CDC42BPA: variants seen among roughly 807,000 people sequenced by gnomAD.
CDC42BPA encodes serine/threonine-protein kinase MRCK alpha.
Under a neutral mutation model 223.5 loss-of-function variants are expected in CDC42BPA, and 80 were observed. That is an observed-to-expected ratio of 0.36 (90% CI 0.30 to 0.43). The LOEUF (loss-of-function observed/expected upper bound fraction) is 0.43, where lower values mean the gene tolerates loss of function less well. CDC42BPA is among the 20% of genes least tolerant of loss of function. The probability of loss-of-function intolerance (pLI) is 1.00; values close to 1 mark genes in which losing one functional copy is unlikely to be tolerated. For missense variants in CDC42BPA, 1,743 were observed against 2,099.9 expected, an observed-to-expected ratio of 0.83 and a Z score of 3.32; for synonymous variants, 694 against 718.6, an observed-to-expected ratio of 0.97 and a Z score of 0.55.
chr1:227,305,623 T>A (rs1291880512), intron 1 of CDC42BPA, among the ~76,000 whole-genome samples: 1 of 152,180 alleles, frequency 6.6e-6, no homozygotes, highest in Non-Finnish European at 1.5e-5. Context: ...GAAAATTATT[T>A]TCTTCATCAC....
chr1:227,234,940 A>G (rs528183478), intron 2 of CDC42BPA: 115 of 150,382 alleles, frequency 7.6e-4, no homozygotes, highest in African/African-American at 2.7e-3. Flanking sequence ...CTCATTAGCT[A>G]TCGTTAGTGT....
rs1348403910 is a variant in CDC42BPA at position 227,080,901 on chromosome 1, T to C, written c.2472A>G (p.Ile824Met). 2 of 1,613,684 alleles carry C rather than the reference T, an allele frequency of 1.2e-6. No homozygotes were observed. The highest frequency in any genetic ancestry group is 1.7e-6 in the Non-Finnish European group (2 of 1,179,854). The change falls in exon 17 of 37, where the codon ATA becomes ATG. Residue 824 changes from isoleucine to methionine, a missense_variant. By Grantham distance (10) the Ile-to-Met change is conservative (BLOSUM62 1). This residue lies in a region of CDC42BPA where 464 missense variants were observed against 488.0 expected (regional missense o/e 0.95). Coordinates refer to ENST00000366766, the MANE Select transcript of CDC42BPA (RefSeq NM_001394014.1). ...VAHWEAQITEIIQWVSDEKDA... is the reference protein window; with the variant it reads ...VAHWEAQITEMIQWVSDEKDA... ...TTTAAAAGAGCACTCACCACTGAAT[T>C]ATTTCTGTGATTTGGGCTTCCCAAT... is the stretch of plus-strand genomic sequence containing the variant.
chr1:227,268,743 T>C (rs1685490052), intron 1 of CDC42BPA, among the ~76,000 whole-genome samples: 1 of 150,942 alleles, frequency 6.6e-6, no homozygotes. Context: ...TGGAGTGTAC[T>C]GGCGTGATCC....
chr1:227,088,420 A>T (rs968008775), intron 16 of CDC42BPA, among the ~76,000 whole-genome samples: 1 of 152,208 alleles, frequency 6.6e-6, no homozygotes, highest in Non-Finnish European at 1.5e-5. Flanking sequence ...TAACATTTTA[A>T]GTGAAAAGGC....
chr1:227,267,048 A>G (rs986427054), intron 1 of CDC42BPA, among the ~76,000 whole-genome samples: 2 of 152,218 alleles, frequency 1.3e-5, no homozygotes, highest in African/African-American at 4.8e-5. Context: ...AAAGCTTTAA[A>G]TGTCTATAGA....
chr1:227,116,695 A>T (rs1316706598), intron 12 of CDC42BPA, among the ~76,000 whole-genome samples: 2 of 152,174 alleles, frequency 1.3e-5, no homozygotes, highest in Admixed American at 6.5e-5. Context: ...AGAAACTTTT[A>T]TGTTTTTGCA....
At chr1:227,282,378 G>A (rs556677155) in intron 1 of CDC42BPA, among the ~76,000 whole-genome samples, 36 of 152,004 alleles carry the variant, frequency 2.4e-4, no homozygotes, top group Non-Finnish European at 4.6e-4. Flanking sequence ...TTAATTAAGC[G>A]GTTGTTTATA....
intron 1 of CDC42BPA, among the ~76,000 whole-genome samples, chr1:227,316,053 C>T (rs944725699): frequency 2.0e-5 from 3 of 151,074 alleles, no homozygotes; most frequent in Non-Finnish European, 2.9e-5. Context: ...AAGAACTTAG[C>T]ATAAGAACAA....
intron 1 of CDC42BPA, among the ~76,000 whole-genome samples, chr1:227,279,258 G>A (rs1360287817): frequency 6.6e-6 from 1 of 152,002 alleles, no homozygotes; most frequent in East Asian, 1.9e-4. Context: ...AAATTGACTG[G>A]AAATTTAAAA....
At chr1:227,131,864 T>C (rs1657171998) in intron 10 of CDC42BPA, among the ~76,000 whole-genome samples, 4 of 152,218 alleles carry the variant, frequency 2.6e-5, no homozygotes, top group African/African-American at 9.6e-5. Flanking sequence ...GATAGACTTC[T>C]CTCCAGCATA....
At chr1:227,297,981 CAT>C (rs137866814) in intron 1 of CDC42BPA, among the ~76,000 whole-genome samples, 26,055 of 139,256 alleles carry the variant, frequency 0.19, 2,429 homozygotes, top group Middle Eastern at 0.23. Flanking sequence ...CACACACACA[CAT>C]ATATACATAT....
intron 21 of CDC42BPA, among the ~76,000 whole-genome samples, chr1:227,061,115 G>A (rs1309957328): frequency 6.6e-6 from 1 of 152,102 alleles, no homozygotes; most frequent in African/African-American, 2.4e-5. Flanking sequence ...AGAAGGCCCG[G>A]AGAGTTCTAA....
At chr1:227,198,438 C>CAAAAAA (rs1176604134) in intron 4 of CDC42BPA, among the ~76,000 whole-genome samples, 3,645 of 49,494 alleles carry the variant, frequency 0.074, 162 homozygotes, top group Non-Finnish European at 0.097. Context: ...ATCCAGCAAA[C>CAAAAAA]AAAAAAAAAA....
chr1:227,153,224 C>T (rs1662116385), intron 6 of CDC42BPA, among the ~76,000 whole-genome samples: 1 of 116,996 alleles, frequency 8.5e-6, no homozygotes, highest in African/African-American at 3.0e-5. Flanking sequence ...TACATCTGTA[C>T]CCAAAAGTTA....
chr1:227,062,830 TA>T (rs200922598), intron 21 of CDC42BPA, among the ~76,000 whole-genome samples: 176 of 138,534 alleles, frequency 1.3e-3, no homozygotes, highest in Middle Eastern at 7.7e-3. Flanking sequence ...ATGTTTAACA[TA>T]AAAAAAAAAA....
intron 1 of CDC42BPA, among the ~76,000 whole-genome samples, chr1:227,276,286 C>T (rs1473451800): frequency 6.7e-6 from 1 of 148,956 alleles, no homozygotes; most frequent in Non-Finnish European, 1.5e-5. Flanking sequence ...CGTCTCTGCC[C>T]GACTGCCAAC....
At chr1:227,049,892 G>C (rs1673192029) in intron 22 of CDC42BPA, among the ~76,000 whole-genome samples, 1 of 151,986 alleles carries the variant, frequency 6.6e-6, no homozygotes, top group Non-Finnish European at 1.5e-5. Flanking sequence ...ACAAGTAAAA[G>C]CAAAATTTAA....
chr1:227,200,438 A>AC lies in CDC42BPA; in HGVS notation c.355-787_355-786insG, dbSNP rs1553391988. Among the ~76,000 whole-genome samples, 744 of 96,028 alleles carry AC rather than the reference A, an allele frequency of 7.7e-3. 11 individuals carry two copies. The highest frequency in any genetic ancestry group is 0.017 in the African/African-American group (481 of 28,092). 63.0% of individuals were successfully genotyped at this position (96,028 alleles called of 152,430 possible). A position where few individuals can be genotyped will look rare whatever the true frequency, so the allele number is the denominator to read the frequency against. On this transcript the variant is annotated intron_variant, in intron 3 of 36. Coordinates refer to ENST00000366766, the MANE Select transcript of CDC42BPA (RefSeq NM_001394014.1). ...AGAGTGAGACCTTGCCTTAAAAAACAAACAAACAAAAAAAAAACGAAAGAA... is the reference window on the plus strand; with the variant it reads ...AGAGTGAGACCTTGCCTTAAAAAACACAACAAACAAAAAAAAAACGAAAGAA...
intron 21 of CDC42BPA, among the ~76,000 whole-genome samples, chr1:227,061,981 T>C (rs926393205): frequency 7.2e-5 from 11 of 152,218 alleles, no homozygotes; most frequent in African/African-American, 2.7e-4. Flanking sequence ...CCCTTAGGAA[T>C]CTCAAACTTA....
Sources: allele counts gnomAD v4.1 joint callset (sites outside exome capture counted in the v4.1 genomes callset), GRCh38; gene constraint gnomAD v4.1.1; regional missense constraint gnomAD v4.1.1; transcripts MANE v1.5; gene names NCBI Gene and HGNC (gene_info 2026-07-23, HGNC 2026-07-21).